IFT140: variants seen among roughly 807,000 people sequenced by gnomAD.
IFT140 encodes intraflagellar transport 140.
Under a neutral mutation model 164.6 loss-of-function variants are expected in IFT140, and 133 were observed. The ratio of observed to expected loss-of-function variants is 0.81; its 90% confidence interval spans 0.70 to 0.93. IFT140 has a LOEUF of 0.93. IFT140 is among the 40% of genes least tolerant of loss of function. IFT140 has a pLI of 0.00. For missense variants in IFT140, 2,045 were observed against 1,972.3 expected (o/e 1.04, Z -0.70); for synonymous variants, 860 against 817.3 (o/e 1.05, Z -0.89).
intron 24 of IFT140, 126 bp downstream of exon 24, chr16:1,524,426 C>T (rs2141169595): frequency 7.9e-7 from 1 of 1,270,828 alleles, no homozygotes; most frequent in South Asian, 1.5e-5. Context: ...ACGGGGTGAG[C>T]AGTGAGTGGC....
chr16:1,526,557 G>C, intron 20 of IFT140, 62 bp downstream of exon 20: 1 of 1,416,522 alleles, frequency 7.1e-7, no homozygotes, highest in East Asian at 2.5e-5. Flanking sequence ...TCCTTCCCCA[G>C]GGGGCCGTGG....
In IFT140 at chr16:1,587,345, A is replaced by G. The variant is rs767246292; in HGVS notation, c.903-41T>C. ...GCAAGCCCCATGGAGGGCCTGTGTT[A>G]GTGGCGTTTCCCTCTGAGGGGTTTT... is the stretch of plus-strand genomic sequence containing the variant. On this transcript the variant is annotated intron_variant, in intron 8 of 30. Coordinates refer to ENST00000426508, the MANE Select transcript of IFT140 (RefSeq NM_014714.4). The G allele has an allele frequency of 1.1e-5, 15 of 1,309,514 alleles. 2 individuals are homozygous for G. The South Asian group carries it at 1.7e-4, about 14-fold the overall frequency. 81.1% of individuals were successfully genotyped at this position (1,309,514 alleles called of 1,614,324 possible). A position where few individuals can be genotyped will look rare whatever the true frequency, so the allele number is the denominator to read the frequency against.
Position 1,584,273 on chromosome 16 carries a change from C to T in IFT140, c.1303G>A (p.Gly435Arg). Residue 435 changes from glycine to arginine, a missense_variant, in exon 11 of 31, where the codon GGG becomes AGG. Transcript: ENST00000426508. ...TCGGTGCGCAGGCTGTGTGCGACCC[C>T]CGTGGACAGGAAGCACACATTCAGC... ...SLLNVCFLST[G>R]VAHSLRTDMH... 1 of 1,613,902 alleles carries T rather than the reference C, an allele frequency of 6.2e-7. No individual in the cohort carries two copies. Among genetic ancestry groups the T allele is most frequent in the Non-Finnish European group, 8.5e-7 (1 of 1,180,008 alleles).
chr16:1,540,348 G>C (rs1473530656), intron 19 of IFT140, among the ~76,000 whole-genome samples: 1 of 152,236 alleles, frequency 6.6e-6, no homozygotes, highest in Non-Finnish European at 1.5e-5. Flanking sequence ...TTCTAACCAC[G>C]TAAACACTCA....
Position 1,589,756 on chromosome 16 carries a change from T to A in IFT140, c.659A>T (p.Lys220Met). 1 of 1,614,110 alleles carries A rather than the reference T, an allele frequency of 6.2e-7. No individual in the cohort carries two copies. Among genetic ancestry groups the A allele is most frequent in the Non-Finnish European group, 8.5e-7 (1 of 1,179,940 alleles). Reference protein sequence around the residue: ...MDGTVHYVDEKGKTTQVVSAD... With the variant: ...MDGTVHYVDEMGKTTQVVSAD... ...GGACACCACCTGAGTGGTCTTGCCC[T>A]TCTCATCCACATAGTGCACTGTCCC... The change falls in exon 7 of 31, where the codon AAG (lysine) becomes ATG (methionine). Residue 220 changes from lysine to methionine, a missense_variant. Lys to Met is a moderately conservative substitution (Grantham distance 95, BLOSUM62 -1). Transcript: ENST00000426508.
chr16:1,560,810 T>C (rs1487993606), intron 18 of IFT140, among the ~76,000 whole-genome samples: 2 of 152,212 alleles, frequency 1.3e-5, no homozygotes, highest in African/African-American at 4.8e-5. Flanking sequence ...CATGTGGAAA[T>C]TCAAAAGCAA....
chr16:1,580,991 A>G lies in IFT140; in HGVS notation c.1433-141T>C, dbSNP rs1386995912. 16 of 613,338 alleles carry G rather than the reference A, an allele frequency of 2.6e-5. No homozygotes were observed. In the Middle Eastern group the frequency reaches 1.2e-3, roughly 45 times the overall value. The allele number at this position is 613,338 out of a possible 1,614,324, so 38.0% of individuals were successfully genotyped here. A position where few individuals can be genotyped will look rare whatever the true frequency, so the allele number is the denominator to read the frequency against. On this transcript the variant is annotated intron_variant, in intron 12 of 30. Coordinates refer to ENST00000426508, the MANE Select transcript of IFT140 (RefSeq NM_014714.4). ...TAGGGGTGCACTATCTGCACCTCGC[A>G]GATGAAGAAAATGAGGCTCTGAGGC...
At chr16:1,585,702 T>TCAC (rs2034832296) in intron 10 of IFT140, among the ~76,000 whole-genome samples, 1 of 152,084 alleles carries the variant, frequency 6.6e-6, no homozygotes, top group African/African-American at 2.4e-5. Context: ...ATTGTTATTT[T>TCAC]CACATAGTCT....
intron 10 of IFT140, 65 bp downstream of exon 10, chr16:1,586,065 C>T: frequency 1.9e-6 from 3 of 1,595,188 alleles, no homozygotes. Flanking sequence ...GCCACCGCGC[C>T]CGGCCATGGT....
In IFT140 at chr16:1,520,118, G is replaced by A. The variant is rs1028252242; in HGVS notation, c.3873+13C>T. The A allele has an allele frequency of 6.1e-5, 99 of 1,612,508 alleles. No individual in the cohort carries two copies. Among genetic ancestry groups the A allele is most frequent in the Non-Finnish European group, 8.4e-5 (99 of 1,178,772 alleles). On this transcript the variant is annotated intron_variant, in intron 28 of 30. Transcript: ENST00000426508. The stretch of plus-strand genomic sequence containing the variant: ...CCCCGGGGCCCCGCTGGCATGCCAG[G>A]GAGGGCCTGCACCTGGGCACAAGCG...
At chr16:1,568,482 G>C in intron 14 of IFT140, 148 bp from the exon 15 acceptor site, 4 of 635,102 alleles carry the variant, frequency 6.3e-6, no homozygotes, top group Non-Finnish European at 1.1e-5. Flanking sequence ...CATGAGGTGG[G>C]GCAAACGCAA....
chr16:1,585,672 G>T (rs1055808301), intron 10 of IFT140, among the ~76,000 whole-genome samples: 2 of 151,482 alleles, frequency 1.3e-5, no homozygotes, highest in African/African-American at 4.9e-5. Flanking sequence ...AATCCAAAAG[G>T]TCTTTTAAAA....
Position 1,592,487 on chromosome 16 carries a change from G to T in IFT140, c.471C>A (p.Phe157Leu). Residue 157 changes from phenylalanine (F) to leucine (L), a missense_variant, in exon 5 of 31, where the codon TTC (phenylalanine) becomes TTA (leucine). Coordinates refer to ENST00000426508, the MANE Select transcript of IFT140 (RefSeq NM_014714.4). Reference protein sequence around the residue: ...EYGKHLTHCIFRLPPPGEDLV... With the variant: ...EYGKHLTHCILRLPPPGEDLV... The stretch of plus-strand genomic sequence containing the variant: ...CTTACTCGCCAGGAGGGGGGAGCCG[G>T]AAGATGCAGTGCGTGAGGTGTTTCC... 1 of 1,614,240 alleles carries T rather than the reference G, an allele frequency of 6.2e-7. No homozygotes were observed. The highest frequency in any genetic ancestry group is 8.5e-7 in the Non-Finnish European group (1 of 1,180,034).
At chr16:1,559,518 A>C (rs2033291159) in intron 18 of IFT140, among the ~76,000 whole-genome samples, 1 of 152,248 alleles carries the variant, frequency 6.6e-6, no homozygotes, top group Admixed American at 6.5e-5. Context: ...CAGCGTTAAC[A>C]GACAAAAGAC....
chr16:1,557,226 G>A (rs750097697), intron 19 of IFT140, among the ~76,000 whole-genome samples: 3 of 152,188 alleles, frequency 2.0e-5, no homozygotes, highest in Non-Finnish European at 4.4e-5. Flanking sequence ...CAGCCTGTCC[G>A]GTGCATGTGC....
At chr16:1,582,646 G>A (rs1199772188) in intron 12 of IFT140, among the ~76,000 whole-genome samples, 4 of 152,278 alleles carry the variant, frequency 2.6e-5, no homozygotes, top group Non-Finnish European at 5.9e-5. Flanking sequence ...GCGCACGCCT[G>A]TAATCACACC....
At chr16:1,598,735 C>G (rs200679402) in intron 4 of IFT140, among the ~76,000 whole-genome samples, 4 of 152,272 alleles carry the variant, frequency 2.6e-5, no homozygotes, top group East Asian at 3.9e-4. Context: ...ATCTGCACCC[C>G]CTTCTTGGTG....
At chr16:1,549,723 C>G (rs939577388) in intron 19 of IFT140, among the ~76,000 whole-genome samples, 3 of 152,190 alleles carry the variant, frequency 2.0e-5, no homozygotes, top group Non-Finnish European at 2.9e-5. Flanking sequence ...TGAGCCACCA[C>G]GCCTGGCCAC....
chr16:1,549,736 G>A (rs1444478553), intron 19 of IFT140, among the ~76,000 whole-genome samples: 1 of 151,958 alleles, frequency 6.6e-6, no homozygotes, highest in Non-Finnish European at 1.5e-5. Flanking sequence ...CTGGCCACTT[G>A]TTGCTAGATT....
Sources: allele counts gnomAD v4.1 joint callset (sites outside exome capture counted in the v4.1 genomes callset), GRCh38; gene constraint gnomAD v4.1.1; transcripts MANE v1.5; gene names NCBI Gene and HGNC (gene_info 2026-07-23, HGNC 2026-07-21).